The following LDB2 variants were observed in gnomAD, a reference collection of about 807,000 sequenced individuals.
LDB2 encodes the protein LIM domain-binding protein 2.
Under a neutral mutation model 44.3 loss-of-function variants are expected in LDB2, and 12 were observed. The ratio of observed to expected loss-of-function variants is 0.27; its 90% CI spans 0.17 to 0.44. The LOEUF is 0.44. Ranked by LOEUF, LDB2 falls within the 20% of genes least tolerant of loss-of-function variation. The pLI, the probability that LDB2 is intolerant of heterozygous loss-of-function variation, is 1.00. For missense variants in LDB2, 344 were observed against 473.5 expected, an observed-to-expected ratio of 0.73 and a Z score of 2.54; for synonymous variants, 164 against 174.8, an observed-to-expected ratio of 0.94 and a Z score of 0.49.
Position 16,806,800 on chromosome 4 carries a change from T to G in LDB2, c.133-47540A>C, listed in dbSNP as rs75114566. ...AGACTGCCTGGGTTGTATTCCCAGC[T>G]CCTCGTCTTCCCAGCTGTGTCACTG... On this transcript the variant is annotated intron_variant, in intron 1 of 7. Transcript: ENST00000304523. Among the ~76,000 whole-genome samples the G allele has an allele frequency of 1.8e-3, 270 of 152,306 alleles. 3 individuals are homozygous for G. The highest frequency in any genetic ancestry group is 6.3e-3 in the African/African-American group (263 of 41,570).
intron 1 of LDB2, among the ~76,000 whole-genome samples, chr4:16,789,974 G>T (rs1357027726): frequency 6.6e-6 from 1 of 152,090 alleles, no homozygotes; most frequent in East Asian, 1.9e-4. Flanking sequence ...GATGGGTGTG[G>T]TTATCCCCAT....
chr4:16,550,150 G>A (rs1737163926), intron 5 of LDB2, among the ~76,000 whole-genome samples: 1 of 152,166 alleles, frequency 6.6e-6, no homozygotes, highest in Non-Finnish European at 1.5e-5. Flanking sequence ...TGTAAGATGG[G>A]ATAGTAATAT....
At chr4:16,836,447 G>C (rs1442355061) in intron 1 of LDB2, among the ~76,000 whole-genome samples, 2 of 152,080 alleles carry the variant, frequency 1.3e-5, no homozygotes, top group African/African-American at 4.8e-5. Context: ...TTCCAGCTGG[G>C]CAAATTTACC....
intron 1 of LDB2, among the ~76,000 whole-genome samples, chr4:16,844,248 C>CACA (rs754904981): frequency 3.7e-4 from 11 of 30,074 alleles, no homozygotes; most frequent in African/African-American, 1.2e-3. Context: ...ACCCTGTCTC[C>CACA]AAAAAAAAAA....
At chr4:16,579,502 A>G (rs191156082) in intron 5 of LDB2, among the ~76,000 whole-genome samples, 5 of 152,194 alleles carry the variant, frequency 3.3e-5, no homozygotes, top group African/African-American at 7.2e-5. Flanking sequence ...TTAAATACTG[A>G]TTTAGAGCAA....
chr4:16,645,132 C>T (rs917751779), intron 2 of LDB2, among the ~76,000 whole-genome samples: 46 of 152,338 alleles, frequency 3.0e-4, no homozygotes, highest in Admixed American at 5.9e-4. Context: ...AGCTATGACA[C>T]CTTTTAGGCA....
chr4:16,660,055 T>C (rs1386260951), intron 2 of LDB2, among the ~76,000 whole-genome samples: 1 of 152,152 alleles, frequency 6.6e-6, no homozygotes, highest in African/African-American at 2.4e-5. Flanking sequence ...TTGGTTGTCA[T>C]GACTGAGGGA....
chr4:16,826,537 T>C (rs1580019401), intron 1 of LDB2: 1 of 152,240 alleles, frequency 6.6e-6, no homozygotes, highest in Non-Finnish European at 1.5e-5. Context: ...TAAATTGTTA[T>C]GCAAAAGACA....
chr4:16,843,208 G>C (rs573231151), intron 1 of LDB2, among the ~76,000 whole-genome samples: 1 of 152,078 alleles, frequency 6.6e-6, no homozygotes, highest in Non-Finnish European at 1.5e-5. Flanking sequence ...CATTTCCTTA[G>C]TTTTTAAACA....
intron 1 of LDB2, among the ~76,000 whole-genome samples, chr4:16,851,610 A>T (rs918848114): frequency 1.2e-4 from 19 of 152,008 alleles, no homozygotes; most frequent in African/African-American, 4.3e-4. Flanking sequence ...AAAAAAAATA[A>T]TAAGAAAAAA....
intron 7 of LDB2, among the ~76,000 whole-genome samples, chr4:16,504,709 G>T (rs533209319): frequency 1.9e-4 from 29 of 152,228 alleles, no homozygotes; most frequent in Non-Finnish European, 4.0e-4. Context: ...ATGGTATTCA[G>T]TTAGCTGGGC....
intron 5 of LDB2, among the ~76,000 whole-genome samples, chr4:16,546,123 T>G (rs185635230): frequency 6.6e-6 from 1 of 152,370 alleles, no homozygotes; most frequent in Admixed American, 6.5e-5. Flanking sequence ...CATTCTTATT[T>G]CAGGCTAGCA....
intron 1 of LDB2, among the ~76,000 whole-genome samples, chr4:16,842,738 T>G (rs1379216625): frequency 2.0e-5 from 3 of 152,202 alleles, no homozygotes; most frequent in Admixed American, 6.5e-5. Flanking sequence ...GATTCACATT[T>G]TTAAACCTGG....
At position 16,861,529 on chromosome 4, in the gene LDB2, G is replaced by A. The variant is rs1196677276; in HGVS notation, c.132+36825C>T. On this transcript the variant is annotated intron_variant, in intron 1 of 7. Coordinates refer to ENST00000304523, the MANE Select transcript of LDB2 (RefSeq NM_001290.5). ...GAAGTAACAATTCTTCAGCTTCCCT[G>A]AAGACCAAAGCCTGGCTTAGACTTT... Among the ~76,000 whole-genome samples the A allele has an allele frequency of 2.6e-5, 4 of 152,162 alleles. No individual in the cohort carries two copies. The East Asian group carries it at 7.7e-4, about 29-fold the overall frequency.
intron 1 of LDB2, among the ~76,000 whole-genome samples, chr4:16,803,032 A>G (rs999091684): frequency 6.6e-6 from 1 of 152,162 alleles, no homozygotes; most frequent in Non-Finnish European, 1.5e-5. Context: ...CATGGCTTAG[A>G]AGAAAGGCTA....
chr4:16,724,161 A>T (rs979183248), intron 2 of LDB2, among the ~76,000 whole-genome samples: 4 of 152,188 alleles, frequency 2.6e-5, no homozygotes, highest in Non-Finnish European at 5.9e-5. Flanking sequence ...AATAAATTTA[A>T]ATGTGACACA....
At chr4:16,594,971 T>C (rs1016459476) in intron 3 of LDB2, among the ~76,000 whole-genome samples, 3 of 152,240 alleles carry the variant, frequency 2.0e-5, no homozygotes, top group Non-Finnish European at 4.4e-5. Flanking sequence ...AGATTATCTG[T>C]AGTGTTCCAG....
At chr4:16,524,519 G>A (rs140579341) in intron 5 of LDB2, among the ~76,000 whole-genome samples, 1 of 152,244 alleles carries the variant, frequency 6.6e-6, no homozygotes, top group East Asian at 1.9e-4. Flanking sequence ...CCACCACATC[G>A]TGGAAAGAGA....
intron 2 of LDB2, among the ~76,000 whole-genome samples, chr4:16,758,027 A>T (rs778008311): frequency 2.6e-5 from 4 of 152,170 alleles, no homozygotes; most frequent in African/African-American, 4.8e-5. Flanking sequence ...GTTGGGCAGC[A>T]AGTCCACTCC....
Sources: allele counts gnomAD v4.1 joint callset (sites outside exome capture counted in the v4.1 genomes callset), GRCh38; gene constraint gnomAD v4.1.1; transcripts MANE v1.5; gene names NCBI Gene and HGNC (gene_info 2026-07-23, HGNC 2026-07-21).